N4BP2: variants seen among roughly 807,000 people sequenced by gnomAD.
N4BP2 encodes NEDD4 binding protein 2, also known as NEDD4-binding protein 2.
N4BP2 carries 91 observed loss-of-function variants against 152.8 expected under a neutral mutation model. The observed-to-expected ratio is 0.60, with a 90% CI of 0.50 to 0.71. N4BP2 has a LOEUF of 0.71. Ranked by LOEUF, N4BP2 falls within the 30% of genes least tolerant of loss-of-function variation. The pLI is 0.00. For synonymous variants in N4BP2, 646 were observed against 705.3 expected (o/e 0.92, Z 1.33); for missense variants, 1,923 against 2,059.1 (o/e 0.93, Z 1.28).
In N4BP2 at chr4:40,072,771, G is replaced by A. The variant is rs545068693; in HGVS notation, c.-211-684G>A. On this transcript the variant is annotated intron_variant, in intron 1 of 17. Coordinates refer to ENST00000261435, the MANE Select transcript of N4BP2 (RefSeq NM_018177.6). ...GACAGAGCCTCTCTCTGTTGCCCAC[G>A]CTGGACTGCAATGGTGCCATCTCGG... Among the ~76,000 whole-genome samples the A allele has an allele frequency of 9.2e-4, 137 of 149,716 alleles. 1 individual carries two copies. The highest frequency in any genetic ancestry group is 8.7e-3 in the South Asian group (41 of 4,728).
chr4:40,162,938 A>G (rs1206012785), downstream of N4BP2, among the ~76,000 whole-genome samples: 1 of 152,132 alleles, frequency 6.6e-6, no homozygotes, highest in Admixed American at 6.5e-5. Flanking sequence ...ATCCAAGGGG[A>G]GAGGACCCCA....
intron 12 of N4BP2, among the ~76,000 whole-genome samples, chr4:40,129,781 T>G (rs568410787): frequency 5.9e-5 from 9 of 152,122 alleles, no homozygotes; most frequent in Non-Finnish European, 1.3e-4. Context: ...CCAGATAATT[T>G]CCTGATGCTG....
chr4:40,149,660 C>T (rs961493883), intron 16 of N4BP2, among the ~76,000 whole-genome samples: 1 of 151,824 alleles, frequency 6.6e-6, no homozygotes, highest in African/African-American at 2.4e-5. Flanking sequence ...TTTGGGAGGC[C>T]GAGGCTGGCG....
At chr4:40,100,542 G>T (rs1038816175) in intron 3 of N4BP2, among the ~76,000 whole-genome samples, 14 of 151,824 alleles carry the variant, frequency 9.2e-5, no homozygotes, top group Admixed American at 6.6e-4. Context: ...CTACCACACT[G>T]GTTAATTTTT....
downstream of N4BP2, among the ~76,000 whole-genome samples, chr4:40,161,649 C>T (rs772662031): frequency 8.6e-5 from 13 of 152,016 alleles, no homozygotes; most frequent in African/African-American, 1.4e-4. Context: ...TAAAATGATA[C>T]GATGTTAGCA....
At chr4:40,124,015 C>A in intron 10 of N4BP2, 145 bp from the exon 11 acceptor site, 1 of 453,796 alleles carries the variant, frequency 2.2e-6, no homozygotes, top group Non-Finnish European at 4.0e-6. Context: ...TATTATCTAA[C>A]TTTATTGTTT....
At chr4:40,171,825 C>T in the N4BP2 span, among the ~76,000 whole-genome samples, 1 of 152,158 alleles carries the variant, frequency 6.6e-6, no homozygotes, top group Non-Finnish European at 1.5e-5. Flanking sequence ...CCAAGAGTCC[C>T]AGAGCTGATG....
In N4BP2 at chr4:40,148,486, G is replaced by T. The variant is rs141386495; in HGVS notation, c.5143+3686G>T. Among the ~76,000 whole-genome samples the T allele has an allele frequency of 2.8e-3, 425 of 151,540 alleles. 4 individuals are homozygous for T. The highest frequency in any genetic ancestry group is 9.7e-3 in the African/African-American group (400 of 41,322). ...CTGTGGGGAGAGGGAGAGGGGGAGG[G>T]GGAGGGGGAGAGGGAGTTCGGCTTT... On this transcript the variant is annotated intron_variant, in intron 16 of 17. Transcript: ENST00000261435.
At position 40,136,925 on chromosome 4, in the gene N4BP2, C is replaced by T. The variant is rs1167697104; in HGVS notation, c.4647-19C>T. ...ATTTTCATTTATTGACATTATGTTTCTACTTAAATTTTCTACAGCTATTCA... is the reference window on the plus strand; with the variant it reads ...ATTTTCATTTATTGACATTATGTTTTTACTTAAATTTTCTACAGCTATTCA... On this transcript the variant is annotated intron_variant, in intron 13 of 17. Coordinates refer to ENST00000261435, the MANE Select transcript of N4BP2 (RefSeq NM_018177.6). 1 of 1,573,694 alleles carries T rather than the reference C, an allele frequency of 6.4e-7. No individual in the cohort carries two copies. The highest frequency in any genetic ancestry group is 1.1e-5 in the South Asian group (1 of 87,628).
rs1214198116 is a variant in N4BP2, at chr4:40,102,596, G to A, written c.751G>A (p.Val251Ile). ...EDSLLSSSLN[V>I]ASDSIAGCSS... ...TTCTCTTCTCAGTAGTTCTTTAAAT[G>A]TAGCAAGTGACTCCATCGCAGGTTG... The change falls in exon 4 of 18, where the codon GTA (valine) becomes ATA (isoleucine). Residue 251 changes from valine (V) to isoleucine (I), a missense_variant. Transcript: ENST00000261435. 1 of 1,614,164 alleles carries A rather than the reference G, an allele frequency of 6.2e-7. No individual in the cohort carries two copies. Among genetic ancestry groups the A allele is most frequent in the Admixed American group, 1.7e-5 (1 of 60,020 alleles).
At position 40,116,107 on chromosome 4, in the gene N4BP2, AC is replaced by A. The variant is rs1168450343; in HGVS notation, c.1665-1760del. On this transcript the variant is annotated intron_variant, in intron 7 of 17. Transcript: ENST00000261435. ...AGTGTAATTTGTCTAATATTGATAG[AC>A]CTACATCAGCTTCCTTTTAGTTAGT... Among the ~76,000 whole-genome samples, 5 of 152,062 alleles carry A rather than the reference AC, an allele frequency of 3.3e-5. No individual in the cohort carries two copies. The South Asian group carries it at 1.0e-3, about 32-fold the overall frequency.
intron 1 of N4BP2, among the ~76,000 whole-genome samples, chr4:40,058,036 A>C (rs967652110): frequency 1.3e-5 from 2 of 152,220 alleles, no homozygotes; most frequent in South Asian, 4.2e-4. Context: ...TTGCCTGGAG[A>C]CTGGTTAACT....
Position 40,103,038 on chromosome 4 carries a change from C to G in N4BP2, c.1193C>G (p.Pro398Arg), listed in dbSNP as rs368297424. The change falls in exon 4 of 18, where the codon CCA becomes CGA. Residue 398 changes from proline to arginine, a missense_variant. Transcript: ENST00000261435. ...TGGAGATCTGTCAACTACACATTTC[C>G]ACCCTCAGTTATTTCTCACACTTCC... is the stretch of plus-strand genomic sequence containing the variant. The part of the protein sequence containing the change: ...AHWRSVNYTF[P>R]PSVISHTSPT... The G allele has an allele frequency of 8.1e-6, 13 of 1,614,172 alleles. No homozygotes were observed. Among genetic ancestry groups the G allele is most frequent in the Non-Finnish European group, 1.1e-5 (13 of 1,180,024 alleles).
At chr4:40,111,371 A>G (rs1441229002) in intron 5 of N4BP2, among the ~76,000 whole-genome samples, 1 of 152,150 alleles carries the variant, frequency 6.6e-6, no homozygotes, top group East Asian at 1.9e-4. Flanking sequence ...CCCAGGCTGG[A>G]GTACAATGGC....
At chr4:40,188,976 C>T in the N4BP2 span, among the ~76,000 whole-genome samples, 1 of 151,596 alleles carries the variant, frequency 6.6e-6, no homozygotes, top group East Asian at 2.0e-4. Flanking sequence ...AAAACCCCGT[C>T]TCTACTAAAA....
chr4:40,175,895 C>G, the N4BP2 span, among the ~76,000 whole-genome samples: 2 of 149,788 alleles, frequency 1.3e-5, no homozygotes, highest in African/African-American at 2.5e-5. Context: ...TCGAGACCAT[C>G]TTGGCTAACA....
At chr4:40,134,919 C>T (rs55832101) in intron 13 of N4BP2, among the ~76,000 whole-genome samples, 15,608 of 91,234 alleles carry the variant, frequency 0.17, 1,059 homozygotes, top group East Asian at 0.43. Flanking sequence ...CTCTCTCTCT[C>T]TCTTTCTTTC....
intron 13 of N4BP2, among the ~76,000 whole-genome samples, chr4:40,136,343 AATCTATCT>A (rs56276709): frequency 0.041 from 5,621 of 136,704 alleles, 119 homozygotes; most frequent in East Asian, 0.12. Flanking sequence ...TTAGAAATTG[AATCTATCT>A]ATCTATCTAT....
chr4:40,124,348 A>AT (rs1310687170), intron 11 of N4BP2, 143 bp downstream of exon 11: 284 of 432,262 alleles, frequency 6.6e-4, no homozygotes, highest in East Asian at 5.3e-3. Context: ...TTATTTATTT[A>AT]TTTATTTTTT....
Sources: allele counts gnomAD v4.1 joint callset (sites outside exome capture counted in the v4.1 genomes callset), GRCh38; gene constraint gnomAD v4.1.1; transcripts MANE v1.5; gene names NCBI Gene and HGNC (gene_info 2026-07-23, HGNC 2026-07-21).